The following CAMTA1 variants were observed in gnomAD, a reference collection of about 807,000 sequenced individuals.
CAMTA1 encodes the protein calmodulin-binding transcription activator 1.
CAMTA1 carries 27 observed loss-of-function variants against 170.9 expected under a neutral mutation model. The observed-to-expected ratio is 0.16, with a 90% CI of 0.12 to 0.22. The LOEUF is 0.22. Ranked by LOEUF, CAMTA1 falls within the 10% of genes least tolerant of loss-of-function variation. CAMTA1 has a pLI of 1.00. For missense variants in CAMTA1, 1,619 were observed against 2,217.2 expected (o/e 0.73, Z 5.42); for synonymous variants, 833 against 891.5 (o/e 0.93, Z 1.17).
At chr1:7,003,448 A>G (rs1168207523) in intron 3 of CAMTA1, among the ~76,000 whole-genome samples, 1 of 152,214 alleles carries the variant, frequency 6.6e-6, no homozygotes, top group African/African-American at 2.4e-5. Flanking sequence ...CAGGCAGGGA[A>G]TGATCCCTGT....
intron 4 of CAMTA1, among the ~76,000 whole-genome samples, chr1:7,180,664 C>T (rs1199215528): frequency 6.6e-6 from 1 of 151,846 alleles, no homozygotes; most frequent in Non-Finnish European, 1.5e-5. Context: ...CAGGTGTGTG[C>T]CACCACAGTT....
rs1040210332 is a variant in CAMTA1 at position 7,767,731 on chromosome 1, G to A, written c.*1240G>A. On this transcript the variant is annotated 3_prime_UTR_variant, in exon 23 of 23. Transcript: ENST00000303635. ...GAAAAAAGAAATGAACAAAAGCAAA[G>A]CATTAGTGGCTATGGTCTGTAAAAT... is the stretch of plus-strand genomic sequence containing the variant. The A allele has an allele frequency of 1.3e-5, 2 of 152,008 alleles. No individual in the cohort carries two copies. The highest frequency in any genetic ancestry group is 4.9e-5 in the African/African-American group (2 of 41,182). 9.4% of individuals were successfully genotyped at this position (152,008 alleles called of 1,614,324 possible).
chr1:7,593,343 T>C (rs528415609), intron 6 of CAMTA1, among the ~76,000 whole-genome samples: 27 of 152,040 alleles, frequency 1.8e-4, no homozygotes, highest in African/African-American at 6.3e-4. Context: ...GGTGACCCAG[T>C]GGGAAGAAGT....
intron 1 of CAMTA1, among the ~76,000 whole-genome samples, chr1:6,814,985 A>T (rs1645616177): frequency 6.6e-6 from 1 of 152,168 alleles, no homozygotes; most frequent in Non-Finnish European, 1.5e-5. Flanking sequence ...CTGAGTGGAG[A>T]CAAAATGAAT....
intron 4 of CAMTA1, among the ~76,000 whole-genome samples, chr1:7,226,399 T>C (rs549838552): frequency 6.6e-6 from 1 of 152,306 alleles, no homozygotes; most frequent in East Asian, 1.9e-4. Flanking sequence ...AGGTGCCCCG[T>C]GAATGCTTGC....
intron 6 of CAMTA1, among the ~76,000 whole-genome samples, chr1:7,621,241 A>C (rs2095596256): frequency 6.6e-6 from 1 of 152,212 alleles, no homozygotes; most frequent in East Asian, 1.9e-4. Flanking sequence ...CCACTGGCCC[A>C]AGAGAGCCAA....
chr1:7,647,584 G>A (rs2095817386), intron 7 of CAMTA1, among the ~76,000 whole-genome samples: 2 of 152,168 alleles, frequency 1.3e-5, no homozygotes, highest in Admixed American at 6.5e-5. Flanking sequence ...CTGTAATTCT[G>A]GAGTGGTGGG....
intron 5 of CAMTA1, among the ~76,000 whole-genome samples, chr1:7,280,552 C>T (rs1341119800): frequency 6.6e-6 from 1 of 152,256 alleles, no homozygotes; most frequent in African/African-American, 2.4e-5. Context: ...CAACCAAGGG[C>T]AAGCCCTTCT....
In CAMTA1 at chr1:7,154,300, T is replaced by C. The variant is rs149381269; in HGVS notation, c.302+62929T>C. On this transcript the variant is annotated intron_variant, in intron 4 of 22. Transcript: ENST00000303635. ...TGTAGGTGTTGAGGTTTGCATTTGA[T>C]AGCAGGAAAAGGTGCTATTAAGATC... Among the ~76,000 whole-genome samples, 913 of 152,204 alleles carry C rather than the reference T, an allele frequency of 6.0e-3. 11 individuals are homozygous for C. The highest frequency in any genetic ancestry group is 0.013 in the Admixed American group (193 of 15,292).
intron 16 of CAMTA1, among the ~76,000 whole-genome samples, chr1:7,739,569 G>C (rs1018157538): frequency 6.6e-6 from 1 of 152,194 alleles, no homozygotes; most frequent in African/African-American, 2.4e-5. Context: ...ACAGTTCCAC[G>C]TGGTTGGGGA....
At chr1:6,975,058 C>T (rs558122461) in intron 3 of CAMTA1, among the ~76,000 whole-genome samples, 131 of 152,306 alleles carry the variant, frequency 8.6e-4, no homozygotes, top group African/African-American at 2.4e-3. Flanking sequence ...TGGTCCTTCT[C>T]GTGAAGGAGG....
chr1:7,473,423 G>C (rs921650192), intron 6 of CAMTA1, among the ~76,000 whole-genome samples: 115 of 152,218 alleles, frequency 7.6e-4, no homozygotes, highest in African/African-American at 2.7e-3. Flanking sequence ...CCAAGGAGGA[G>C]GAGGAGGACA....
chr1:7,347,729 C>G (rs2084330503), intron 5 of CAMTA1, among the ~76,000 whole-genome samples: 1 of 152,200 alleles, frequency 6.6e-6, no homozygotes, highest in African/African-American at 2.4e-5. Flanking sequence ...CCAGGACCCC[C>G]CCGGCTTGCA....
At chr1:6,910,884 G>C (rs936860801) in intron 3 of CAMTA1, among the ~76,000 whole-genome samples, 8 of 152,186 alleles carry the variant, frequency 5.3e-5, no homozygotes, top group African/African-American at 1.4e-4. Flanking sequence ...CCTTCTGCTG[G>C]GGGTGCTTTG....
At chr1:7,130,722 A>C (rs1645198436) in intron 4 of CAMTA1, among the ~76,000 whole-genome samples, 1 of 151,302 alleles carries the variant, frequency 6.6e-6, no homozygotes, top group African/African-American at 2.4e-5. Flanking sequence ...CTATAAACAC[A>C]CTCTTCCCAT....
intron 6 of CAMTA1, among the ~76,000 whole-genome samples, chr1:7,510,010 C>CA (rs1318589401): frequency 1.5e-5 from 2 of 133,538 alleles, no homozygotes; most frequent in African/African-American, 6.3e-5. Context: ...AACAAACAAA[C>CA]AACAAAAAAA....
chr1:7,677,564 C>A, intron 10 of CAMTA1, 35 bp from the exon 11 acceptor site: 1 of 1,602,904 alleles, frequency 6.2e-7, no homozygotes, highest in East Asian at 2.2e-5. Flanking sequence ...GGTACCCACC[C>A]ATCCCTTGAC....
intron 5 of CAMTA1, among the ~76,000 whole-genome samples, chr1:7,269,135 A>C (rs1669330848): frequency 6.6e-6 from 1 of 152,344 alleles, no homozygotes; most frequent in Non-Finnish European, 1.5e-5. Context: ...AGTCCTCTGC[A>C]TCAGGGCCTC....
intron 6 of CAMTA1, among the ~76,000 whole-genome samples, chr1:7,555,304 T>G (rs1460925537): frequency 6.6e-6 from 1 of 152,146 alleles, no homozygotes; most frequent in Non-Finnish European, 1.5e-5. Context: ...TCAAGCTTAT[T>G]TGGGGGTGCA....
Sources: gnomAD v4.1 joint callset for allele counts (sites outside exome capture counted in the v4.1 genomes callset) on GRCh38, gnomAD v4.1.1 for gene constraint, MANE v1.5 for transcripts, NCBI Gene and HGNC (gene_info 2026-07-23, HGNC 2026-07-21) for gene names.